Variants in PAK3 observed in about 807,000 individuals in gnomAD.
PAK3 encodes the protein serine/threonine-protein kinase PAK 3.
PAK3 carries 4 observed loss-of-function variants against 41.0 expected under a neutral mutation model. The ratio of observed to expected loss-of-function variants is 0.10; its 90% CI spans 0.05 to 0.22. PAK3 has a LOEUF of 0.22. Among genes scored for constraint, PAK3 ranks in the 10% least tolerant of loss-of-function variants. The pLI is 1.00. For missense variants in PAK3, 205 were observed against 409.9 expected, an observed-to-expected ratio of 0.50 and a Z score of 4.32; for synonymous variants, 146 against 139.6, an observed-to-expected ratio of 1.05 and a Z score of -0.32.
intron 1 of PAK3, among the ~76,000 whole-genome samples, chrX:110,980,298 G>A (rs2091427450): frequency 8.9e-6 from 1 of 111,869 alleles, no homozygotes; most frequent in South Asian, 3.8e-4. Context: ...GAGGGGAGGG[G>A]ATTATACAGA....
chrX:110,969,094 A>ATTTTTTT (rs60724970), intron 1 of PAK3, among the ~76,000 whole-genome samples: 4,090 of 40,399 alleles, frequency 0.1, 632 homozygotes, highest in Middle Eastern at 0.21. Flanking sequence ...GACCTGCCTA[A>ATTTTTTT]TTTTTTTTTT....
chrX:111,209,497 A>G (rs1264652315), intron 16 of PAK3, among the ~76,000 whole-genome samples: 2 of 112,207 alleles, frequency 1.8e-5, no homozygotes, highest in Non-Finnish European at 3.8e-5. Flanking sequence ...CTTATAGTTC[A>G]GTTGCATTGT....
chrX:111,023,927 G>T (rs2092230930), intron 1 of PAK3, among the ~76,000 whole-genome samples: 1 of 111,800 alleles, frequency 8.9e-6, no homozygotes, highest in Admixed American at 9.5e-5. Context: ...TTTGGCTTTT[G>T]TTGCTGTTGC....
intron 1 of PAK3, among the ~76,000 whole-genome samples, chrX:111,035,540 G>A (rs1016301386): frequency 1.8e-5 from 2 of 112,028 alleles, no homozygotes; most frequent in African/African-American, 6.5e-5. Flanking sequence ...TGTGCCAGCA[G>A]GCAGAGGCTG....
intron 4 of PAK3, among the ~76,000 whole-genome samples, chrX:111,107,202 C>T (rs1374370677): frequency 8.9e-6 from 1 of 111,940 alleles, no homozygotes; most frequent in East Asian, 2.8e-4. Context: ...AAGGGCAGGC[C>T]TGCTTCCACC....
intron 11 of PAK3, among the ~76,000 whole-genome samples, chrX:111,182,926 G>A (rs754514245): frequency 9.0e-6 from 1 of 111,608 alleles, no homozygotes; most frequent in African/African-American, 3.3e-5. Context: ...CCATGTCCTG[G>A]TACAAACTAA....
At chrX:110,963,759 C>T (rs1277056455) in intron 1 of PAK3, among the ~76,000 whole-genome samples, 1 of 112,575 alleles carries the variant, frequency 8.9e-6, no homozygotes, top group Non-Finnish European at 1.9e-5. Flanking sequence ...ACAGAAAGGA[C>T]GATGTTGAAC....
At chrX:111,086,787 A>G (rs1030875216) in intron 1 of PAK3, among the ~76,000 whole-genome samples, 1 of 111,709 alleles carries the variant, frequency 9.0e-6, no homozygotes, top group East Asian at 2.8e-4. Flanking sequence ...ATTTGTAAGA[A>G]GCTTGAATTT....
At chrX:111,121,141 T>A (rs2093561276) in intron 4 of PAK3, among the ~76,000 whole-genome samples, 2 of 112,507 alleles carry the variant, frequency 1.8e-5, no homozygotes. Context: ...ACTTTTTCAT[T>A]GTACCTTGTT....
At chrX:110,947,105 CTGG>C (rs2090634612) in intron 1 of PAK3, among the ~76,000 whole-genome samples, 1 of 111,729 alleles carries the variant, frequency 9.0e-6, no homozygotes, top group African/African-American at 3.3e-5. Context: ...CTGGAAATGC[CTGG>C]TGGTCACAAA....
intron 1 of PAK3, among the ~76,000 whole-genome samples, chrX:110,989,485 T>C (rs754656909): frequency 4.5e-5 from 5 of 112,005 alleles, no homozygotes; most frequent in Non-Finnish European, 9.4e-5. Context: ...TGAATATTCA[T>C]GTAAAATCTT....
At chrX:111,113,049 T>C (rs2093402898) in intron 4 of PAK3, among the ~76,000 whole-genome samples, 1 of 111,762 alleles carries the variant, frequency 8.9e-6, no homozygotes. Context: ...ATAAATCTAA[T>C]CTAGCATGCT....
rs376852956 is a variant in PAK3, at chrX:111,062,667, C to T, written c.-27-60410C>T. Among the ~76,000 whole-genome samples, 6 of 111,108 alleles carry T rather than the reference C, an allele frequency of 5.4e-5. No homozygotes were observed. In the East Asian group the frequency reaches 1.1e-3, roughly 21 times the overall value. ...AGGAAGAAAGGGCTGGCCTGGAGGG[C>T]GTCCAGGCTCAGCAGATCATATTCC... On this transcript the variant is annotated intron_variant, in intron 1 of 14. Coordinates refer to the PAK3 transcript ENST00000425146.
intron 1 of PAK3, among the ~76,000 whole-genome samples, chrX:111,053,260 G>T (rs1358111681): frequency 9.0e-6 from 1 of 110,595 alleles, no homozygotes; most frequent in Non-Finnish European, 1.9e-5. Flanking sequence ...GAAAGTGGGG[G>T]CCACAGAAGG....
intron 16 of PAK3, among the ~76,000 whole-genome samples, chrX:111,198,806 A>C (rs181771601): frequency 2.0e-3 from 218 of 110,687 alleles, no homozygotes; most frequent in African/African-American, 6.8e-3. Context: ...TGCTTTGTCT[A>C]TTGGGGCTTT....
chrX:111,163,010 A>C lies in PAK3; in HGVS notation c.564A>C (p.Pro188=). ...AAGAAGAAGATGAAAATGAGCCACCACCAGTTATCGCACCAAGACCAGAGC... is the reference window on the plus strand; with the variant it reads ...AAGAAGAAGATGAAAATGAGCCACCCCCAGTTATCGCACCAAGACCAGAGC... ...EEEEEDENEP[P]PVIAPRPEHT... The change falls in exon 9 of 18, where the codon CCA becomes CCC. Residue 188 remains proline (P), a synonymous_variant. Coordinates refer to ENST00000372007, the MANE Select transcript of PAK3 (RefSeq NM_002578.5). 1 of 1,208,826 alleles carries C rather than the reference A, an allele frequency of 8.3e-7. No homozygotes were observed. The highest frequency in any genetic ancestry group is 1.1e-6 in the Non-Finnish European group (1 of 892,999).
intron 1 of PAK3, among the ~76,000 whole-genome samples, chrX:110,957,019 T>A (rs190471362): frequency 1.0e-3 from 113 of 111,625 alleles, no homozygotes; most frequent in African/African-American, 3.1e-3. Flanking sequence ...TTAATCCACA[T>A]CTCTGGGGCC....
intron 4 of PAK3, among the ~76,000 whole-genome samples, chrX:111,114,978 T>A (rs1270725803): frequency 8.9e-6 from 1 of 112,079 alleles, no homozygotes; most frequent in Non-Finnish European, 1.9e-5. Context: ...CAAAATACCC[T>A]AACTTCCTTC....
intron 1 of PAK3, among the ~76,000 whole-genome samples, chrX:111,023,846 C>T (rs1207042749): frequency 9.0e-6 from 1 of 111,728 alleles, no homozygotes; most frequent in Non-Finnish European, 1.9e-5. Context: ...TGTAGGTTGC[C>T]TGTTCACTCT....
Sources: gnomAD v4.1 joint callset for allele counts (sites outside exome capture counted in the v4.1 genomes callset) on GRCh38, gnomAD v4.1.1 for gene constraint, MANE v1.5 for transcripts, NCBI Gene and HGNC (gene_info 2026-07-23, HGNC 2026-07-21) for gene names.